Variants in RBM19 observed in about 807,000 individuals in gnomAD.
RBM19 encodes probable RNA-binding protein 19.
RBM19 carries 94 observed loss-of-function variants against 116.8 expected under a neutral mutation model. The ratio of observed to expected loss-of-function variants is 0.80; its 90% CI spans 0.68 to 0.95. The LOEUF is 0.95. RBM19 is among the 40% of genes least tolerant of loss of function. The pLI is 0.00. For missense variants in RBM19, 1,161 were observed against 1,220.7 expected (o/e 0.95, Z 0.73); for synonymous variants, 475 against 494.1 (o/e 0.96, Z 0.51).
intron 1 of RBM19, among the ~76,000 whole-genome samples, chr12:113,962,715 C>T (rs1293348154): frequency 2.0e-5 from 3 of 152,190 alleles, no homozygotes; most frequent in African/African-American, 7.2e-5. Context: ...AGCAGTATTA[C>T]GTCTGCTACA....
chr12:113,871,841 C>T (rs1879228321), intron 21 of RBM19, among the ~76,000 whole-genome samples: 2 of 152,082 alleles, frequency 1.3e-5, no homozygotes, highest in African/African-American at 4.8e-5. Flanking sequence ...GCCCGGGAGG[C>T]AGCGGCTGGA....
chr12:113,833,834 CCTGGG>C (rs1474053319), intron 23 of RBM19, among the ~76,000 whole-genome samples: 1 of 152,182 alleles, frequency 6.6e-6, no homozygotes, highest in African/African-American at 2.4e-5. Context: ...GCCTCGAACT[CCTGGG>C]CTCAAGTGAT....
intron 23 of RBM19, among the ~76,000 whole-genome samples, chr12:113,826,131 C>A (rs1265373152): frequency 6.6e-6 from 1 of 152,158 alleles, no homozygotes; most frequent in Middle Eastern, 3.2e-3. Context: ...CACTCAGGGG[C>A]CTTACCTTTT....
intron 18 of RBM19, among the ~76,000 whole-genome samples, chr12:113,923,740 T>C (rs978115224): frequency 1.3e-5 from 2 of 152,200 alleles, no homozygotes; most frequent in African/African-American, 4.8e-5. Context: ...GCTGATGTGG[T>C]GTCCCCTGTG....
intron 18 of RBM19, among the ~76,000 whole-genome samples, chr12:113,922,237 G>A (rs1868640710): frequency 6.6e-6 from 1 of 152,134 alleles, no homozygotes; most frequent in South Asian, 2.1e-4. Context: ...GGCTCCCTTA[G>A]CCCAGCCACA....
Position 113,962,258 on chromosome 12 carries a change from T to G in RBM19, c.193A>C (p.Ser65Arg), listed in dbSNP as rs1872565073. The change falls in exon 2 of 24, where the codon AGC (serine) becomes CGC (arginine). Residue 65 changes from serine to arginine, a missense_variant. Coordinates refer to ENST00000261741, the MANE Select transcript of RBM19 (RefSeq NM_016196.4). The part of the protein sequence containing the change: ...AQKAQKHFNK[S>R]FIDTSRITVE... ...GTGATCCGGGATGTGTCGATGAAGC[T>G]CTTGTTGAAATGCTTCTGTGCCTTC... 1.2e-6 allele frequency: 2 copies of G among 1,614,112 alleles called. No homozygotes were observed. The highest frequency in any genetic ancestry group is 1.7e-6 in the Non-Finnish European group (2 of 1,180,042).
intron 22 of RBM19, among the ~76,000 whole-genome samples, chr12:113,848,781 C>T (rs1877199276): frequency 6.6e-6 from 1 of 152,204 alleles, no homozygotes; most frequent in South Asian, 2.1e-4. Flanking sequence ...GCAAGATGCT[C>T]CTCTGCCAAA....
At chr12:113,931,369 C>T (rs1869581411) in intron 16 of RBM19, among the ~76,000 whole-genome samples, 1 of 152,178 alleles carries the variant, frequency 6.6e-6, no homozygotes, top group Admixed American at 6.5e-5. Context: ...CTCAGCATGG[C>T]CTCCCAGGTC....
At chr12:113,838,342 G>A (rs1416305725) in intron 23 of RBM19, among the ~76,000 whole-genome samples, 1 of 152,000 alleles carries the variant, frequency 6.6e-6, no homozygotes, top group Non-Finnish European at 1.5e-5. Context: ...GGGAGAATAC[G>A]TAAACTCCAT....
At position 113,936,995 on chromosome 12, in the gene RBM19, C is replaced by T; in HGVS notation, c.2068+12G>A. Reference sequence around the variant, plus strand: ...GATCCCAAGCCATCCTGGTCTCAGACTCAGCTCTTACCTGTTTCTGGCTCT... The same window carrying T: ...GATCCCAAGCCATCCTGGTCTCAGATTCAGCTCTTACCTGTTTCTGGCTCT... On this transcript the variant is annotated intron_variant, in intron 16 of 23. Transcript: ENST00000261741. 1 of 1,613,028 alleles carries T rather than the reference C, an allele frequency of 6.2e-7. No individual in the cohort carries two copies. Among genetic ancestry groups the T allele is most frequent in the Non-Finnish European group, 8.5e-7 (1 of 1,179,646 alleles).
chr12:113,918,547 C>A (rs900041372), intron 19 of RBM19, 100 bp from the exon 20 acceptor site: 1 of 1,294,440 alleles, frequency 7.7e-7, no homozygotes, highest in Non-Finnish European at 1.1e-6. Flanking sequence ...CAGATGGGAG[C>A]CTGATTGTTC....
intron 21 of RBM19, among the ~76,000 whole-genome samples, chr12:113,882,183 C>T (rs555375685): frequency 5.4e-4 from 82 of 152,344 alleles, no homozygotes; most frequent in African/African-American, 1.9e-3. Flanking sequence ...GAGATAGGTG[C>T]TGGGACCTCA....
chr12:113,877,415 TGGCCCATGAGGTGTGAGCAGA>T (rs1879749959), intron 21 of RBM19, among the ~76,000 whole-genome samples: 1 of 152,188 alleles, frequency 6.6e-6, no homozygotes, highest in South Asian at 2.1e-4. Flanking sequence ...TGGCCAGATC[TGGCCCATGAGGTGTGAGCAGA>T]GGCCTGAGTG....
chr12:113,959,117 C>A, intron 5 of RBM19, 95 bp downstream of exon 5: 1 of 1,394,932 alleles, frequency 7.2e-7, no homozygotes, highest in Non-Finnish European at 9.8e-7. Context: ...GCTCACCTGA[C>A]TCCTAGAGTC....
intron 21 of RBM19, among the ~76,000 whole-genome samples, chr12:113,873,045 G>A (rs1362934540): frequency 3.8e-3 from 385 of 100,452 alleles, no homozygotes; most frequent in African/African-American, 0.011. Context: ...CGCCCCGTCC[G>A]GGAGGGAGGT....
intron 21 of RBM19, among the ~76,000 whole-genome samples, chr12:113,879,008 G>A (rs1879883492): frequency 6.6e-6 from 1 of 152,176 alleles, no homozygotes; most frequent in Non-Finnish European, 1.5e-5. Flanking sequence ...ACTAGACCGT[G>A]TGTCCCATCC....
At chr12:113,833,690 C>T (rs528884146) in intron 23 of RBM19, among the ~76,000 whole-genome samples, 43 of 152,308 alleles carry the variant, frequency 2.8e-4, no homozygotes, top group African/African-American at 4.3e-4. Flanking sequence ...TATTTGGAAT[C>T]GCTCCTTCCC....
intron 21 of RBM19, among the ~76,000 whole-genome samples, chr12:113,876,478 C>T (rs961994316): frequency 2.0e-5 from 3 of 152,112 alleles, no homozygotes; most frequent in Non-Finnish European, 4.4e-5. Context: ...GAGCTGGGCC[C>T]ATAGTGAGTA....
chr12:113,860,826 A>G (rs7300884), intron 21 of RBM19, among the ~76,000 whole-genome samples: 4 of 152,040 alleles, frequency 2.6e-5, no homozygotes, highest in African/African-American at 9.7e-5. Context: ...GGCCCCATCT[A>G]TCTTGCTCAT....
Sources: gnomAD v4.1 joint callset for allele counts (sites outside exome capture counted in the v4.1 genomes callset) on GRCh38, gnomAD v4.1.1 for gene constraint, MANE v1.5 for transcripts, NCBI Gene and HGNC (gene_info 2026-07-23, HGNC 2026-07-21) for gene names.